Variants in UNC5D observed in about 807,000 individuals in gnomAD.
The protein encoded by UNC5D is netrin receptor UNC5D.
In UNC5D, 39 loss-of-function variants were observed where a neutral mutation model predicts 105.4. The ratio of observed to expected loss-of-function variants is 0.37; its 90% CI spans 0.29 to 0.48. The LOEUF (loss-of-function observed/expected upper bound fraction) is 0.48. UNC5D is among the 20% of genes least tolerant of loss of function. UNC5D has a pLI of 0.98. For missense variants in UNC5D, 991 were observed against 1,202.4 expected (o/e 0.82, Z 2.60); for synonymous variants, 452 against 450.4 (o/e 1.00, Z -0.04).
chr8:35,746,296 A>C (rs1314952529), intron 11 of UNC5D, among the ~76,000 whole-genome samples: 1 of 152,166 alleles, frequency 6.6e-6, no homozygotes, highest in African/African-American at 2.4e-5. Context: ...AGCTTTAATT[A>C]ATATTTGTAA....
chr8:35,253,123 C>T (rs999422871), intron 1 of UNC5D, among the ~76,000 whole-genome samples: 53 of 149,052 alleles, frequency 3.6e-4, no homozygotes, highest in African/African-American at 1.2e-3. Flanking sequence ...TGTGTGTGTG[C>T]GTGTGTGTGT....
chr8:35,511,821 G>A (rs1363067278), intron 1 of UNC5D, among the ~76,000 whole-genome samples: 1 of 152,114 alleles, frequency 6.6e-6, no homozygotes, highest in African/African-American at 2.4e-5. Context: ...TGGGCTGCAT[G>A]TAGCCACATG....
At chr8:35,533,449 A>T (rs1229709059) in intron 1 of UNC5D, among the ~76,000 whole-genome samples, 2 of 152,036 alleles carry the variant, frequency 1.3e-5, no homozygotes, top group Non-Finnish European at 2.9e-5. Context: ...GCTCTCTTCA[A>T]AGCTGTCATA....
rs370673558 is a variant in UNC5D, at chr8:35,673,456, A to G, written c.571-10091A>G. Among the ~76,000 whole-genome samples the G allele has an allele frequency of 1.8e-4, 28 of 152,354 alleles. No homozygotes were observed. In the East Asian group the frequency reaches 3.3e-3, roughly 18 times the overall value. On this transcript the variant is annotated intron_variant, in intron 4 of 16. Transcript: ENST00000404895. The stretch of plus-strand genomic sequence containing the variant: ...CTTTCACATAGTCACTAAGACGCCT[A>G]AGAAAATGGCTAATGCCTTGTGGTA...
chr8:35,603,130 G>C (rs2130936790), intron 4 of UNC5D, among the ~76,000 whole-genome samples: 1 of 152,002 alleles, frequency 6.6e-6, no homozygotes, highest in Non-Finnish European at 1.5e-5. Context: ...TCTTTTAATT[G>C]TGATGTTAGC....
intron 1 of UNC5D, among the ~76,000 whole-genome samples, chr8:35,331,581 C>T (rs980293287): frequency 6.6e-6 from 1 of 152,156 alleles, no homozygotes; most frequent in South Asian, 2.1e-4. Flanking sequence ...CCTGCGTCAG[C>T]AGTCAGTCTT....
At chr8:35,495,455 C>CAAAAAAAAAAAAAAAAAAAAAAAAAAAA (rs1417671723) in intron 1 of UNC5D, among the ~76,000 whole-genome samples, 1 of 32,428 alleles carries the variant, frequency 3.1e-5, no homozygotes, top group Non-Finnish European at 7.2e-5. Flanking sequence ...ACAACAACAA[C>CAAAAAAAAAAAAAAAAAAAAAAAAAAAA]AACAAAAAAA....
intron 8 of UNC5D, among the ~76,000 whole-genome samples, chr8:35,712,024 G>T (rs946272185): frequency 1.2e-4 from 18 of 152,180 alleles, no homozygotes; most frequent in Admixed American, 1.2e-3. Flanking sequence ...TGTAATCCTA[G>T]CACTTTGGGA....
intron 1 of UNC5D, among the ~76,000 whole-genome samples, chr8:35,253,473 C>CTTTTTTTTTTTTTTTTTTTTTTTTTTTTT (rs58063448): frequency 2.0e-5 from 2 of 99,824 alleles, no homozygotes; most frequent in Non-Finnish European, 1.8e-5. Context: ...ATTTTATTTC[C>CTTTTTTTTTTTTTTTTTTTTTTTTTTTTT]TTTTTTTTTT....
intron 1 of UNC5D, among the ~76,000 whole-genome samples, chr8:35,474,522 C>A (rs1809952099): frequency 6.6e-6 from 1 of 152,092 alleles, no homozygotes; most frequent in East Asian, 1.9e-4. Flanking sequence ...TAATTGCTAT[C>A]GTAGTTGAGT....
Position 35,790,536 on chromosome 8 carries a change from C to A in UNC5D, c.2835C>A (p.Phe945Leu). 1 of 1,613,780 alleles carries A rather than the reference C, an allele frequency of 6.2e-7. No homozygotes were observed. The highest frequency in any genetic ancestry group is 8.5e-7 in the Non-Finnish European group (1 of 1,179,820). The change falls in exon 17 of 17, where the codon TTC (phenylalanine) becomes TTA (leucine). Residue 945 changes from phenylalanine to leucine, a missense_variant. Coordinates refer to ENST00000404895, the MANE Select transcript of UNC5D (RefSeq NM_080872.4). Reference protein sequence around the residue: ...ISESQLDEADFNYSRQNGL With the variant: ...ISESQLDEADLNYSRQNGL Reference sequence around the variant, plus strand: ...AATCCCAGCTTGATGAAGCCGACTTCAACTACAGCAGGCAAAATGGACTCT... The same window carrying A: ...AATCCCAGCTTGATGAAGCCGACTTAAACTACAGCAGGCAAAATGGACTCT...
intron 1 of UNC5D, among the ~76,000 whole-genome samples, chr8:35,374,584 A>T (rs1261251203): frequency 6.6e-6 from 1 of 152,206 alleles, no homozygotes; most frequent in East Asian, 1.9e-4. Flanking sequence ...CCACGTTCAC[A>T]TCTCATGTCA....
chr8:35,272,873 T>C (rs970461585), intron 1 of UNC5D, among the ~76,000 whole-genome samples: 2 of 152,220 alleles, frequency 1.3e-5, no homozygotes, highest in Admixed American at 6.5e-5. Context: ...TGAAAAGTTG[T>C]GTAGTGCCTA....
chr8:35,651,059 C>T (rs1049404052), intron 4 of UNC5D, among the ~76,000 whole-genome samples: 1 of 152,012 alleles, frequency 6.6e-6, no homozygotes, highest in African/African-American at 2.4e-5. Flanking sequence ...GGGGTCTGGC[C>T]CCCATTGTAT....
chr8:35,437,097 A>G (rs1177596799), intron 1 of UNC5D, among the ~76,000 whole-genome samples: 2 of 151,852 alleles, frequency 1.3e-5, no homozygotes, highest in African/African-American at 4.8e-5. Context: ...CCTCAGCTTC[A>G]TGAGCACCTG....
chr8:35,402,134 G>C (rs1162469851), intron 1 of UNC5D, among the ~76,000 whole-genome samples: 1 of 152,142 alleles, frequency 6.6e-6, no homozygotes, highest in Admixed American at 6.5e-5. Context: ...GCTACGTGGA[G>C]TGGCTTATAG....
intron 1 of UNC5D, among the ~76,000 whole-genome samples, chr8:35,247,623 A>C (rs1291702734): frequency 1.2e-5 from 1 of 81,418 alleles, no homozygotes; most frequent in Non-Finnish European, 2.1e-5. Context: ...TTATATATAA[A>C]ATATATATAA....
rs977606321 is a variant in UNC5D at position 35,590,536 on chromosome 8, A to G, written c.467-5018A>G. Reference sequence around the variant, plus strand: ...ATATCCTGCATTATTCTTTTTATTTAAGTGTCTCTGAAAAATGCACTGGTT... The same window carrying G: ...ATATCCTGCATTATTCTTTTTATTTGAGTGTCTCTGAAAAATGCACTGGTT... On this transcript the variant is annotated intron_variant, in intron 3 of 16. Coordinates refer to ENST00000404895, the MANE Select transcript of UNC5D (RefSeq NM_080872.4). 1.5e-4 allele frequency among the ~76,000 whole-genome samples: 23 copies of G among 152,018 alleles called. 1 individual carries two copies. The highest frequency in any genetic ancestry group is 1.4e-3 in the Admixed American group (22 of 15,254).
At chr8:35,535,916 G>A (rs1297654852) in intron 1 of UNC5D, among the ~76,000 whole-genome samples, 2 of 152,202 alleles carry the variant, frequency 1.3e-5, no homozygotes, top group East Asian at 1.9e-4. Context: ...CTTGTGGTTC[G>A]ATATTCTCTT....
Sources: gnomAD v4.1 joint callset for allele counts (sites outside exome capture counted in the v4.1 genomes callset) on GRCh38, gnomAD v4.1.1 for gene constraint, MANE v1.5 for transcripts, NCBI Gene and HGNC (gene_info 2026-07-23, HGNC 2026-07-21) for gene names.